PDE10A: variants seen among roughly 807,000 people sequenced by gnomAD.
PDE10A encodes the protein phosphodiesterase 10A.
Under a neutral mutation model 97.7 loss-of-function variants are expected in PDE10A, and 39 were observed. That is an observed-to-expected ratio of 0.40 (90% CI 0.31 to 0.52). The LOEUF (loss-of-function observed/expected upper bound fraction) is 0.52. PDE10A is among the 20% of genes least tolerant of loss of function. PDE10A has a pLI of 0.56. For synonymous variants in PDE10A, 371 were observed against 376.8 expected (o/e 0.98, Z 0.18); for missense variants, 731 against 1,047.8 (o/e 0.70, Z 4.17).
At chr6:165,356,854 T>C (rs1783059108) in intron 18 of PDE10A, among the ~76,000 whole-genome samples, 1 of 152,194 alleles carries the variant, frequency 6.6e-6, no homozygotes, top group African/African-American at 2.4e-5. Context: ...TGGCATGTAA[T>C]TTAAAAATAA....
Position 165,449,782 on chromosome 6 carries a change from C to T in PDE10A, c.1144+460G>A, listed in dbSNP as rs116731469. Among the ~76,000 whole-genome samples, 1,170 of 152,204 alleles carry T rather than the reference C, an allele frequency of 7.7e-3. 5 individuals carry two copies. The highest frequency in any genetic ancestry group is 0.027 in the African/African-American group (1,120 of 41,538). ...CATAGTGGGTATCCTTCTGAAAAATCATGTCCTAAAAACAAGTGTATCCTT... is the reference window on the plus strand; with the variant it reads ...CATAGTGGGTATCCTTCTGAAAAATTATGTCCTAAAAACAAGTGTATCCTT... On this transcript the variant is annotated intron_variant, in intron 4 of 21. Coordinates refer to ENST00000539869, the MANE Select transcript of PDE10A (RefSeq NM_001385079.1).
chr6:165,362,716 T>C (rs909655435), intron 18 of PDE10A, among the ~76,000 whole-genome samples: 3 of 152,190 alleles, frequency 2.0e-5, no homozygotes, highest in African/African-American at 7.2e-5. Flanking sequence ...GCTAATTCCA[T>C]GAGGCCAGTG....
chr6:165,963,247 CAGGGA>C (rs1268371968), intron 1 of PDE10A, among the ~76,000 whole-genome samples: 3 of 152,180 alleles, frequency 2.0e-5, no homozygotes, highest in Admixed American at 6.5e-5. Context: ...ATCTCCCATC[CAGGGA>C]AGCTCAAAAT....
chr6:165,586,403 C>G (rs1239538712), intron 1 of PDE10A, among the ~76,000 whole-genome samples: 2 of 152,078 alleles, frequency 1.3e-5, no homozygotes, highest in African/African-American at 4.8e-5. Flanking sequence ...TTAAGATGTC[C>G]TCCCTCCCAC....
intron 1 of PDE10A, among the ~76,000 whole-genome samples, chr6:165,922,728 G>A (rs139297161): frequency 2.4e-4 from 37 of 152,242 alleles, no homozygotes; most frequent in Admixed American, 5.9e-4. Context: ...AGTCAGATTC[G>A]GAAAGAAAAG....
chr6:165,623,176 G>A (rs1021827347), intron 1 of PDE10A, among the ~76,000 whole-genome samples: 1 of 152,046 alleles, frequency 6.6e-6, no homozygotes, highest in Admixed American at 6.5e-5. Flanking sequence ...GGTCACCCAG[G>A]CTGGAGTGGC....
intron 1 of PDE10A, among the ~76,000 whole-genome samples, chr6:165,906,008 C>T (rs1782256871): frequency 5.9e-5 from 3 of 50,822 alleles, no homozygotes; most frequent in Admixed American, 2.3e-4. Flanking sequence ...TCCTTCCTTC[C>T]TTCCTTCCCT....
intron 1 of PDE10A, among the ~76,000 whole-genome samples, chr6:165,748,673 C>T (rs1466703463): frequency 6.6e-6 from 1 of 152,158 alleles, no homozygotes; most frequent in Non-Finnish European, 1.5e-5. Context: ...TCCACAAAGG[C>T]AAGGATGAGG....
chr6:165,686,914 A>T (rs2128440766), intron 1 of PDE10A, among the ~76,000 whole-genome samples: 1 of 152,340 alleles, frequency 6.6e-6, no homozygotes, highest in East Asian at 1.9e-4. Flanking sequence ...ACGCTTCGGT[A>T]ATGTTTGGGA....
At chr6:165,710,110 C>G (rs900381841) in intron 1 of PDE10A, among the ~76,000 whole-genome samples, 2 of 152,118 alleles carry the variant, frequency 1.3e-5, no homozygotes, top group African/African-American at 2.4e-5. Context: ...CGAATCTTCA[C>G]GTGCAGGCTC....
intron 1 of PDE10A, among the ~76,000 whole-genome samples, chr6:165,712,136 G>T (rs1791910319): frequency 6.6e-6 from 1 of 152,154 alleles, no homozygotes; most frequent in East Asian, 1.9e-4. Flanking sequence ...CACCGTAGTG[G>T]TGTGGAGGAG....
chr6:165,441,663 A>G (rs1408785474), intron 5 of PDE10A, among the ~76,000 whole-genome samples: 2 of 152,218 alleles, frequency 1.3e-5, no homozygotes, highest in East Asian at 3.8e-4. Flanking sequence ...TAACGAGCAC[A>G]GGAATTCTCC....
intron 17 of PDE10A, among the ~76,000 whole-genome samples, chr6:165,387,604 C>A (rs970519922): frequency 6.6e-6 from 1 of 152,188 alleles, no homozygotes; most frequent in Non-Finnish European, 1.5e-5. Flanking sequence ...TTCCCTTAGA[C>A]ACATCATTGG....
chr6:165,591,166 C>A (rs1342954467), intron 1 of PDE10A, among the ~76,000 whole-genome samples: 1 of 152,044 alleles, frequency 6.6e-6, no homozygotes, highest in Non-Finnish European at 1.5e-5. Flanking sequence ...ATGTGTAATT[C>A]ATTGTAAATT....
intron 1 of PDE10A, among the ~76,000 whole-genome samples, chr6:165,892,033 C>T (rs1057149327): frequency 1.3e-5 from 2 of 152,056 alleles, no homozygotes; most frequent in Non-Finnish European, 1.5e-5. Flanking sequence ...ATTCTCCCCC[C>T]ACTGACCGGA....
chr6:165,432,560 A>G (rs1789672537), intron 7 of PDE10A, among the ~76,000 whole-genome samples: 1 of 152,186 alleles, frequency 6.6e-6, no homozygotes, highest in Admixed American at 6.5e-5. Flanking sequence ...AGTAGTAATG[A>G]GCCTATTGAG....
At chr6:165,389,169 C>A (rs1469835225) in intron 16 of PDE10A, among the ~76,000 whole-genome samples, 2 of 151,888 alleles carry the variant, frequency 1.3e-5, no homozygotes, top group African/African-American at 4.8e-5. Context: ...GCAGGGGAAG[C>A]AGTCATCATA....
intron 1 of PDE10A, among the ~76,000 whole-genome samples, chr6:165,881,081 C>T (rs569774243): frequency 6.6e-5 from 10 of 152,200 alleles, no homozygotes; most frequent in African/African-American, 2.4e-4. Flanking sequence ...GTAAACAAAA[C>T]CAGACTTTGA....
At chr6:165,882,831 T>C (rs563979015) in intron 1 of PDE10A, among the ~76,000 whole-genome samples, 225 of 151,848 alleles carry the variant, frequency 1.5e-3, no homozygotes, top group African/African-American at 5.3e-3. Flanking sequence ...CCAGTGTGTT[T>C]CCAGGGCCTC....
Sources: allele counts gnomAD v4.1 joint callset (sites outside exome capture counted in the v4.1 genomes callset), GRCh38; gene constraint gnomAD v4.1.1; transcripts MANE v1.5; gene names NCBI Gene and HGNC (gene_info 2026-07-23, HGNC 2026-07-21).